The following EIF4G3 variants were observed in gnomAD, a reference collection of about 807,000 sequenced individuals.
The protein encoded by EIF4G3 is eukaryotic translation initiation factor 4 gamma 3, also known as eIF-4-gamma 3.
In EIF4G3, 34 loss-of-function variants were observed where a neutral mutation model predicts 186.4. The observed-to-expected ratio is 0.18, with a 90% confidence interval of 0.14 to 0.24. The LOEUF is 0.24. EIF4G3 is among the 10% of genes least tolerant of loss of function. The pLI is 1.00. For synonymous variants in EIF4G3, 673 were observed against 679.5 expected, an observed-to-expected ratio of 0.99 and a Z score of 0.15; for missense variants, 1,536 against 1,948.5, an observed-to-expected ratio of 0.79 and a Z score of 3.99.
Position 20,862,286 on chromosome 1 carries a change from T to C in EIF4G3, c.3053A>G (p.Glu1018Gly), listed in dbSNP as rs2076542113. 1.2e-6 allele frequency: 2 copies of C among 1,613,080 alleles called. No individual in the cohort carries two copies. Among genetic ancestry groups the C allele is most frequent in the Non-Finnish European group, 8.5e-7 (1 of 1,179,496 alleles). Residue 1018 changes from glutamate to glycine, a missense_variant, in exon 23 of 37, where the codon GAA becomes GGA. This residue lies in a region of EIF4G3 where 110 missense variants were observed against 166.2 expected (regional missense o/e 0.66). Transcript: ENST00000602326. ...CCGAATCCTAGATGAGGTTTTTCTT[T>C]CTTTCACAATTTTCTCCATCTGATT... ...YFNQMEKIVKERKTSSRIRFM... is the reference protein window; with the variant it reads ...YFNQMEKIVKGRKTSSRIRFM...
chr1:20,932,558 G>C (rs921414769), intron 14 of EIF4G3, among the ~76,000 whole-genome samples: 2 of 152,044 alleles, frequency 1.3e-5, no homozygotes, highest in African/African-American at 4.8e-5. Flanking sequence ...AGTCACTGCA[G>C]GGTTATTAAT....
intron 3 of EIF4G3, among the ~76,000 whole-genome samples, chr1:21,071,829 A>G (rs2095451169): frequency 6.6e-6 from 1 of 151,182 alleles, no homozygotes. Flanking sequence ...GAGAGAGAGG[A>G]AAAAAAAAGA....
At chr1:21,027,916 C>G (rs1210809927) in intron 4 of EIF4G3, among the ~76,000 whole-genome samples, 1 of 152,092 alleles carries the variant, frequency 6.6e-6, no homozygotes, top group East Asian at 1.9e-4. Flanking sequence ...AATAGATAAG[C>G]ACAATATGGT....
At chr1:20,987,104 C>T (rs1404641141) in intron 7 of EIF4G3, among the ~76,000 whole-genome samples, 1 of 152,182 alleles carries the variant, frequency 6.6e-6, no homozygotes, top group African/African-American at 2.4e-5. Flanking sequence ...TCGAAAAATC[C>T]TTCTAAAGAT....
At chr1:20,960,436 A>G (rs2154564561) in intron 12 of EIF4G3, among the ~76,000 whole-genome samples, 2 of 152,160 alleles carry the variant, frequency 1.3e-5, no homozygotes, top group East Asian at 3.9e-4. Flanking sequence ...ACTGAACTCT[A>G]GCCTGGGCAA....
chr1:20,816,492 T>TG (rs1254267366), intron 34 of EIF4G3, among the ~76,000 whole-genome samples: 3 of 61,216 alleles, frequency 4.9e-5, no homozygotes, highest in African/African-American at 1.9e-4. Context: ...GGGAGGGAGG[T>TG]GGGGGGGTCA....
At chr1:20,960,614 A>G (rs914849151) in intron 12 of EIF4G3, among the ~76,000 whole-genome samples, 2 of 152,072 alleles carry the variant, frequency 1.3e-5, no homozygotes, top group African/African-American at 2.4e-5. Context: ...TTAGCCAGGC[A>G]TGGTGGCATG....
At chr1:20,823,447 T>C (rs2062875241) in intron 33 of EIF4G3, among the ~76,000 whole-genome samples, 1 of 152,144 alleles carries the variant, frequency 6.6e-6, no homozygotes, top group Non-Finnish European at 1.5e-5. Context: ...AGTGGTGTGA[T>C]CGTATCTCAC....
intron 7 of EIF4G3, among the ~76,000 whole-genome samples, chr1:20,985,811 T>C (rs1372784323): frequency 6.6e-6 from 1 of 152,236 alleles, no homozygotes; most frequent in East Asian, 1.9e-4. Context: ...TCTTTTATAA[T>C]ATACCACTAG....
chr1:20,831,752 T>TC (rs1298668469), intron 30 of EIF4G3, among the ~76,000 whole-genome samples: 3 of 119,934 alleles, frequency 2.5e-5, no homozygotes, highest in African/African-American at 9.4e-5. Flanking sequence ...ATGCTATCCC[T>TC]CCCCCCTCCC....
chr1:21,135,368 G>A (rs903470602), intron 2 of EIF4G3, among the ~76,000 whole-genome samples: 7 of 152,158 alleles, frequency 4.6e-5, no homozygotes, highest in Admixed American at 2.6e-4. Flanking sequence ...CTGTGGTGGC[G>A]CATGCCTGTG....
chr1:21,053,715 G>T (rs2094416570), intron 3 of EIF4G3, among the ~76,000 whole-genome samples: 1 of 147,978 alleles, frequency 6.8e-6, no homozygotes, highest in African/African-American at 2.5e-5. Context: ...GTCCGGGAAG[G>T]ATGTTGGGGG....
chr1:21,114,503 T>A (rs1251178559), intron 2 of EIF4G3, among the ~76,000 whole-genome samples: 1 of 152,208 alleles, frequency 6.6e-6, no homozygotes, highest in African/African-American at 2.4e-5. Flanking sequence ...TTTTGATAAT[T>A]TATCTGGAAA....
At chr1:21,083,383 G>A (rs761072529) in intron 3 of EIF4G3, among the ~76,000 whole-genome samples, 5 of 151,502 alleles carry the variant, frequency 3.3e-5, no homozygotes, top group Non-Finnish European at 7.4e-5. Context: ...TCACTCTGTC[G>A]CCCAGGCTGG....
At chr1:20,954,784 T>C (rs2096357471) in intron 12 of EIF4G3, among the ~76,000 whole-genome samples, 1 of 152,166 alleles carries the variant, frequency 6.6e-6, no homozygotes, top group African/African-American at 2.4e-5. Flanking sequence ...ACATATGGTA[T>C]AGACCACAAA....
At chr1:20,884,032 A>G (rs1277543989) in intron 19 of EIF4G3, among the ~76,000 whole-genome samples, 1 of 152,224 alleles carries the variant, frequency 6.6e-6, no homozygotes, top group East Asian at 1.9e-4. Context: ...AGATGAGAAT[A>G]AGGTCATCAA....
chr1:20,932,442 ACT>A (rs2095353848), intron 14 of EIF4G3, among the ~76,000 whole-genome samples: 1 of 152,010 alleles, frequency 6.6e-6, no homozygotes, highest in East Asian at 1.9e-4. Context: ...CCTAGCTTTC[ACT>A]CTGTCTCAGC....
chr1:21,001,521 G>C (rs1375604424), intron 5 of EIF4G3, among the ~76,000 whole-genome samples: 1 of 151,936 alleles, frequency 6.6e-6, no homozygotes, highest in African/African-American at 2.4e-5. Flanking sequence ...AAATTGATCT[G>C]GTGAGATCTC....
chr1:21,068,395 A>AAAAAAAAAAAAAAAAAAAAG (rs2095335906), intron 3 of EIF4G3, among the ~76,000 whole-genome samples: 1 of 149,434 alleles, frequency 6.7e-6, no homozygotes, highest in Admixed American at 6.7e-5. Context: ...AAAAAAAAAA[A>AAAAAAAAAAAAAAAAAAAAG]AAAAACAGAA....
Sources: allele counts gnomAD v4.1 joint callset (sites outside exome capture counted in the v4.1 genomes callset), GRCh38; gene constraint gnomAD v4.1.1; regional missense constraint gnomAD v4.1.1; transcripts MANE v1.5; gene names NCBI Gene and HGNC (gene_info 2026-07-23, HGNC 2026-07-21).